The following DNAJC14 variants were observed in gnomAD, a reference collection of about 807,000 sequenced individuals.
The protein encoded by DNAJC14 is dnaJ homolog subfamily C member 14.
Under a neutral mutation model 68.8 loss-of-function variants are expected in DNAJC14, and 12 were observed. The ratio of observed to expected loss-of-function variants is 0.17; its 90% CI spans 0.11 to 0.28. DNAJC14 has a LOEUF of 0.28. Ranked by LOEUF, DNAJC14 falls within the 10% of genes least tolerant of loss-of-function variation. The pLI, the probability that DNAJC14 is intolerant of heterozygous loss-of-function variation, is 1.00. For missense variants in DNAJC14, 764 were observed against 875.6 expected (o/e 0.87, Z 1.61); for synonymous variants, 350 against 321.5 (o/e 1.09, Z -0.95).
intron 6 of DNAJC14, 29 bp from the exon 7 acceptor site, chr12:55,822,216 G>C: frequency 6.5e-7 from 1 of 1,548,854 alleles, no homozygotes; most frequent in Non-Finnish European, 8.7e-7. Context: ...AATAAGGCAA[G>C]AGATGTTAGA....
chr12:55,822,741 A>T lies in DNAJC14; in HGVS notation c.1635-9T>A, dbSNP rs1880701139. The T allele has an allele frequency of 6.2e-7, 1 of 1,613,570 alleles. No homozygotes were observed. The highest frequency in any genetic ancestry group is 1.3e-5 in the African/African-American group (1 of 74,888). On this transcript the variant is annotated splice_polypyrimidine_tract_variant and intron_variant, in intron 4 of 6. Transcript: ENST00000678005. ...GGTCCATTTCAAACCTCCTGCAACC[A>T]ACAAAAGGATAGTTCCTTAATAATT...
Position 55,823,701 on chromosome 12 carries a change from CTT to C in DNAJC14, c.1408-195_1408-194del, listed in dbSNP as rs57733478. Among the ~76,000 whole-genome samples the C allele has an allele frequency of 1.3e-3, 174 of 129,798 alleles. 2 individuals are homozygous for C. The highest frequency in any genetic ancestry group is 6.1e-3 in the Admixed American group (77 of 12,576). 85.2% of individuals were successfully genotyped at this position (129,798 alleles called of 152,430 possible). Reference sequence around the variant, plus strand: ...TAATTAGCTACATTACCTTGAATATCTTTTTTTTTTTTTTTTTTTTTGAGATG... The same window carrying C: ...TAATTAGCTACATTACCTTGAATATCTTTTTTTTTTTTTTTTTTTGAGATG... On this transcript the variant is annotated intron_variant, in intron 2 of 6. Transcript: ENST00000678005.
At position 55,828,145 on chromosome 12, in the gene DNAJC14, C is replaced by A; in HGVS notation, c.514G>T (p.Asp172Tyr). 1 of 1,610,740 alleles carries A rather than the reference C, an allele frequency of 6.2e-7. No homozygotes were observed. Among genetic ancestry groups the A allele is most frequent in the Non-Finnish European group, 8.5e-7 (1 of 1,178,518 alleles). The change falls in exon 2 of 7, where the codon GAT becomes TAT. Residue 172 changes from aspartate to tyrosine, a missense_variant. Around this residue, in one of 4 missense-constraint regions of DNAJC14, gnomAD observed 514 missense variants for 521.7 expected, o/e 0.99. Coordinates refer to ENST00000678005, the MANE Select transcript of DNAJC14 (RefSeq NM_032364.6). ...GGGAACTTGAGAGATTCTTCATCAT[C>A]ATATTCCTCTTCCAACTCATCTTCC... The part of the protein sequence containing the change: ...LGEDELEEEY[D>Y]DEESLKFPSD...
At position 55,828,420 on chromosome 12, in the gene DNAJC14, C is replaced by A. The variant is rs1880865847; in HGVS notation, c.239G>T (p.Gly80Val). The A allele has an allele frequency of 1.2e-6, 2 of 1,613,932 alleles. No individual in the cohort carries two copies. Among genetic ancestry groups the A allele is most frequent in the Non-Finnish European group, 1.7e-6 (2 of 1,179,978 alleles). Residue 80 changes from glycine (G) to valine (V), a missense_variant, in exon 2 of 7, where the codon GGT (glycine) becomes GTT (valine). By Grantham distance (109) the Gly-to-Val change is moderately radical. This residue lies in a region of DNAJC14 where 514 missense variants were observed against 521.7 expected (regional missense o/e 0.99). Coordinates refer to ENST00000678005, the MANE Select transcript of DNAJC14 (RefSeq NM_032364.6). ...CTCTGCATCTCTAGGTGGTCCTGGA[C>A]CCCCTGGGGGGCCATGGCTTGGGTC... The part of the protein sequence containing the change: ...WLDPSHGPPG[G>V]PGPPRDAEDP...
In DNAJC14 at chr12:55,822,603, T is replaced by G. The variant is rs758907773; in HGVS notation, c.1764A>C (p.Ala588=). 9.9e-6 allele frequency: 16 copies of G among 1,614,100 alleles called. No homozygotes were observed. The South Asian group carries it at 1.6e-4, about 17-fold the overall frequency. The change falls in exon 5 of 7, where the codon GCA becomes GCC. Residue 588 remains alanine (A), a synonymous_variant. Transcript: ENST00000678005. ...SMLGLKITYF[A]LMDGKVYDIT... is the part of the protein sequence containing the mutation. ...TGTCATACACCTTTCCATCCATCAG[T>G]GCAAAGTAGGTGATCTTGAGGCCCA...
Position 55,823,712 on chromosome 12 carries a change from T to A in DNAJC14, c.1408-204A>T, listed in dbSNP as rs540906676. Among the ~76,000 whole-genome samples the A allele has an allele frequency of 2.0e-5, 3 of 150,170 alleles. No homozygotes were observed. In the East Asian group the frequency reaches 5.8e-4, roughly 29 times the overall value. ...ATTACCTTGAATATCTTTTTTTTTT[T>A]TTTTTTTTTTGAGATGAAGTCTCGC... On this transcript the variant is annotated intron_variant, in intron 2 of 6. Transcript: ENST00000678005.
In DNAJC14 at chr12:55,822,106, A is replaced by C; in HGVS notation, c.1980T>G (p.Asn660Lys). ...GCTGAGGAGCTGCAAAGAAGTTCCC[A>C]TTGGGCATCTGCCCTGGGGGTACTT... ...IFQVPPGQMP[N>K]GNFFAAPQPA... The change falls in exon 7 of 7, where the codon AAT becomes AAG. Residue 660 changes from asparagine to lysine, a missense_variant. This residue lies in a region of DNAJC14 where 134 missense variants were observed against 162.3 expected (regional missense o/e 0.83). Coordinates refer to ENST00000678005, the MANE Select transcript of DNAJC14 (RefSeq NM_032364.6). 1 of 1,613,850 alleles carries C rather than the reference A, an allele frequency of 6.2e-7. No homozygotes were observed. Among genetic ancestry groups the C allele is most frequent in the Non-Finnish European group, 8.5e-7 (1 of 1,179,916 alleles).
rs1565688632 is a variant in DNAJC14 at position 55,822,705 on chromosome 12, C to A, written c.1662G>T (p.Lys554Asn). ...TACACTCAGCACAGTATCTGGCACT[C>A]TTAGGTTCCCGGTCCATTTCAAACC... ...HRRFEMDREP[K>N]SARYCAECNR... The change falls in exon 5 of 7, where the codon AAG (lysine) becomes AAT (asparagine). Residue 554 changes from lysine (K) to asparagine (N), a missense_variant. Physicochemically the swap from Lys to Asn is moderately conservative, Grantham distance 94. Coordinates refer to ENST00000678005, the MANE Select transcript of DNAJC14 (RefSeq NM_032364.6). 3 of 1,614,046 alleles carry A rather than the reference C, an allele frequency of 1.9e-6. No homozygotes were observed. Among genetic ancestry groups the A allele is most frequent in the Non-Finnish European group, 8.5e-7 (1 of 1,180,028 alleles).
Position 55,822,440 on chromosome 12 carries a change from C to G in DNAJC14, c.1831G>C (p.Asp611His), listed in dbSNP as rs1336537901. Residue 611 changes from aspartate (D) to histidine (H), a missense_variant, in exon 6 of 7, where the codon GAT (aspartate) becomes CAT (histidine). Around this residue, in one of 4 missense-constraint regions of DNAJC14, gnomAD observed 134 missense variants for 162.3 expected, o/e 0.83. Transcript: ENST00000678005. ...ATGTGATAGGGGACTCTGTGGGTAT[C>G]TGGGGAGATACCTACACGCTGGCAT... ...AGCQRVGISP[D>H]THRVPYHISF... 6.2e-7 allele frequency: 1 copy of G among 1,613,742 alleles called. No homozygotes were observed. The highest frequency in any genetic ancestry group is 1.3e-5 in the African/African-American group (1 of 74,902).
intron 2 of DNAJC14, among the ~76,000 whole-genome samples, chr12:55,825,993 A>G (rs1398618376): frequency 6.6e-6 from 1 of 151,336 alleles, no homozygotes; most frequent in Non-Finnish European, 1.5e-5. Flanking sequence ...CCTTACATGC[A>G]CTCCCTGACC....
At chr12:55,822,229 CAT>C (rs1212736777) in intron 6 of DNAJC14, 42 bp from the exon 7 acceptor site, 1 of 1,540,920 alleles carries the variant, frequency 6.5e-7, no homozygotes. Context: ...ATGTTAGAGT[CAT>C]ATGGTTACCT....
upstream of DNAJC14, chr12:55,829,758 G>A: frequency 7.5e-6 from 2 of 267,452 alleles, no homozygotes; most frequent in Non-Finnish European, 5.8e-6. Flanking sequence ...TACTGGCCCC[G>A]CCATTTAAAG....
Position 55,822,709 on chromosome 12 carries a change from G to A in DNAJC14, c.1658C>T (p.Pro553Leu). The A allele has an allele frequency of 1.2e-6, 2 of 1,614,086 alleles. No homozygotes were observed. Among genetic ancestry groups the A allele is most frequent in the Non-Finnish European group, 1.7e-6 (2 of 1,180,014 alleles). Residue 553 changes from proline (P) to leucine (L), a missense_variant, in exon 5 of 7, where the codon CCT (proline) becomes CTT (leucine). Physicochemically the swap from Pro to Leu is moderately conservative, Grantham distance 98. This residue lies in a region of DNAJC14 where 110 missense variants were observed against 162.7 expected (regional missense o/e 0.68). Coordinates refer to ENST00000678005, the MANE Select transcript of DNAJC14 (RefSeq NM_032364.6). ...CTCAGCACAGTATCTGGCACTCTTA[G>A]GTTCCCGGTCCATTTCAAACCTCCT... ...KHRRFEMDRE[P>L]KSARYCAECN...
intron 1 of DNAJC14, among the ~76,000 whole-genome samples, 152 bp from the exon 2 acceptor site, chr12:55,828,866 A>G (rs1592595810): frequency 6.6e-6 from 1 of 152,218 alleles, no homozygotes; most frequent in Non-Finnish European, 1.5e-5. Flanking sequence ...AGCCAAAACT[A>G]GACTCACCAC....
At position 55,828,387 on chromosome 12, in the gene DNAJC14, T is replaced by C. The variant is rs192654144; in HGVS notation, c.272A>G (p.Asp91Gly). 25 of 1,614,098 alleles carry C rather than the reference T, an allele frequency of 1.5e-5. No individual in the cohort carries two copies. In the African/African-American group the frequency reaches 1.9e-4, roughly 12 times the overall value. The change falls in exon 2 of 7, where the codon GAT becomes GGT. Residue 91 changes from aspartate (D) to glycine (G), a missense_variant. Transcript: ENST00000678005. ...TTCTTCTGAAGACGTCTCACTCTGA[T>C]CAGGGTCCTCTGCATCTCTAGGTGG... Reference protein sequence around the residue: ...PGPPRDAEDPDQSETSSEEES... With the variant: ...PGPPRDAEDPGQSETSSEEES...
chr12:55,825,773 T>C (rs1880779029), intron 2 of DNAJC14, among the ~76,000 whole-genome samples: 1 of 152,112 alleles, frequency 6.6e-6, no homozygotes, highest in Admixed American at 6.6e-5. Context: ...CTCGATCTCC[T>C]GACCTTGTGA....
At position 55,828,238 on chromosome 12, in the gene DNAJC14, GC is replaced by G. The variant is rs1189892288; in HGVS notation, c.420del (p.Pro141LeufsTer115). ...NCQGTPGIPE[G>X]PYSEGGNGSS... ...GAACCATTTCCTCCCTCAGAGTAAG[GC>G]CCTTCTGGAATTCCAGGTGTTCCCT... On this transcript the variant is annotated frameshift_variant, in exon 2 of 7. Transcript: ENST00000678005. LOFTEE classifies it high-confidence loss of function. 1.2e-6 allele frequency: 2 copies of G among 1,608,206 alleles called. No individual in the cohort carries two copies. Among genetic ancestry groups the G allele is most frequent in the Non-Finnish European group, 8.5e-7 (1 of 1,177,316 alleles).
chr12:55,827,335 G>A lies in DNAJC14; in HGVS notation c.1324C>T (p.Leu442=), dbSNP rs1348246664. 40 of 1,612,566 alleles carry A rather than the reference G, an allele frequency of 2.5e-5. No homozygotes were observed. The highest frequency in any genetic ancestry group is 3.3e-4 in the Middle Eastern group (2 of 6,068). Residue 442 remains leucine (L), a synonymous_variant, in exon 2 of 7, where the codon CTA becomes TTA. Coordinates refer to ENST00000678005, the MANE Select transcript of DNAJC14 (RefSeq NM_032364.6). The part of the protein sequence containing the change: ...LTMAGVPEDE[L]NPFHVLGVEA... ...ACCCCCAGTACATGGAAAGGGTTTA[G>A]CTCATCCTCAGGAACCCCAGCCATG...
rs115026558 is a variant in DNAJC14, at chr12:55,825,266, T to C, written c.1408-1758A>G. The stretch of plus-strand genomic sequence containing the variant: ...TACCTTTAATCATTAATGGAAACTT[T>C]AGTTGCCCATTCCTCTTTGGTGTCA... On this transcript the variant is annotated intron_variant, in intron 2 of 6. Coordinates refer to ENST00000678005, the MANE Select transcript of DNAJC14 (RefSeq NM_032364.6). Among the ~76,000 whole-genome samples the C allele has an allele frequency of 1.5e-3, 222 of 152,312 alleles. 1 individual carries two copies. Among genetic ancestry groups the C allele is most frequent in the African/African-American group, 5.2e-3 (216 of 41,548 alleles).
Sources: allele counts gnomAD v4.1 joint callset (sites outside exome capture counted in the v4.1 genomes callset), GRCh38; gene constraint gnomAD v4.1.1; regional missense constraint gnomAD v4.1.1; transcripts MANE v1.5; gene names NCBI Gene and HGNC (gene_info 2026-07-23, HGNC 2026-07-21).